The following SSBP3 variants were observed in gnomAD, a reference collection of about 807,000 sequenced individuals.
SSBP3 encodes single-stranded DNA-binding protein 3.
A neutral mutation model predicts 69.6 loss-of-function variants in SSBP3; 5 were observed. The observed-to-expected ratio is 0.07, with a 90% CI of 0.04 to 0.15. The LOEUF (loss-of-function observed/expected upper bound fraction) is 0.15. Ranked by LOEUF, SSBP3 falls within the 10% of genes least tolerant of loss-of-function variation. The pLI, the probability that SSBP3 is intolerant of heterozygous loss-of-function variation, is 1.00. For missense variants in SSBP3, 312 were observed against 534.0 expected, an observed-to-expected ratio of 0.58 and a Z score of 4.10; for synonymous variants, 196 against 193.4, an observed-to-expected ratio of 1.01 and a Z score of -0.11.
chr1:54,353,616 C>T lies in SSBP3; in HGVS notation c.276+48245G>A, dbSNP rs542676656. Among the ~76,000 whole-genome samples, 15 of 152,318 alleles carry T rather than the reference C, an allele frequency of 9.8e-5. No homozygotes were observed. In the South Asian group the frequency reaches 3.1e-3, roughly 32 times the overall value. On this transcript the variant is annotated intron_variant, in intron 4 of 17. Coordinates refer to ENST00000610401, the Ensembl canonical transcript of SSBP3. ...TTGTCAGATCCCAATTCTGGCCACC[C>T]TCTCACATGCTCCATGGAAGTCAGA... is the stretch of plus-strand genomic sequence containing the variant.
intron 5 of SSBP3, among the ~76,000 whole-genome samples, chr1:54,270,633 C>T (rs1645176497): frequency 6.6e-6 from 1 of 152,150 alleles, no homozygotes; most frequent in Admixed American, 6.5e-5. Flanking sequence ...GAGGAGAAAC[C>T]CTGAGGCAGC....
At chr1:54,336,300 C>T (rs1360064927) in intron 4 of SSBP3, among the ~76,000 whole-genome samples, 1 of 152,192 alleles carries the variant, frequency 6.6e-6, no homozygotes, top group Non-Finnish European at 1.5e-5. Context: ...ACTAACATGG[C>T]CCCCCACGTT....
chr1:54,266,167 C>G (rs1645100600), intron 5 of SSBP3, among the ~76,000 whole-genome samples: 1 of 152,196 alleles, frequency 6.6e-6, no homozygotes, highest in South Asian at 2.1e-4. Flanking sequence ...GAAGACTGAG[C>G]CTCAGAGATG....
intron 5 of SSBP3, among the ~76,000 whole-genome samples, chr1:54,277,082 G>A (rs1171927581): frequency 2.6e-5 from 4 of 152,042 alleles, no homozygotes; most frequent in African/African-American, 4.8e-5. Context: ...TATCAGAGAC[G>A]GTCAATGACA....
intron 4 of SSBP3, among the ~76,000 whole-genome samples, chr1:54,360,098 C>CAA (rs1024118841): frequency 6.6e-6 from 1 of 152,158 alleles, no homozygotes; most frequent in Non-Finnish European, 1.5e-5. Context: ...ATAAGCCAAC[C>CAA]AAGTATCTTT....
chr1:54,290,244 C>A (rs1326861522), intron 4 of SSBP3, among the ~76,000 whole-genome samples: 1 of 152,188 alleles, frequency 6.6e-6, no homozygotes, highest in Non-Finnish European at 1.5e-5. Flanking sequence ...ACCTTCTGCA[C>A]CCCTCATCAT....
At chr1:54,286,246 A>G (rs554271283) in intron 4 of SSBP3, 13 of 152,170 alleles carry the variant, frequency 8.5e-5, no homozygotes, top group Non-Finnish European at 1.9e-4. Context: ...AAGAAAGCCA[A>G]CTCAAACCAC....
intron 1 of SSBP3, among the ~76,000 whole-genome samples, chr1:54,411,633 C>CTG (rs1649993775): frequency 6.6e-6 from 1 of 151,986 alleles, no homozygotes; most frequent in Admixed American, 6.6e-5. Flanking sequence ...TGGTTCACGC[C>CTG]TGTAATCCCG....
chr1:54,398,309 G>T (rs551330831), intron 4 of SSBP3, among the ~76,000 whole-genome samples: 34 of 152,348 alleles, frequency 2.2e-4, no homozygotes, highest in Admixed American at 2.2e-3. Flanking sequence ...TATGTGTAGT[G>T]TAAGAATCCA....
At chr1:54,248,111 C>T (rs552878470) in intron 9 of SSBP3, among the ~76,000 whole-genome samples, 3 of 152,330 alleles carry the variant, frequency 2.0e-5, no homozygotes, top group Non-Finnish European at 2.9e-5. Context: ...CACGCTGTAC[C>T]TATTCTTTGT....
At chr1:54,412,689 A>G (rs1431819943) in intron 1 of SSBP3, 1 of 152,196 alleles carries the variant, frequency 6.6e-6, no homozygotes, top group Non-Finnish European at 1.5e-5. Flanking sequence ...AAGAGTTACA[A>G]TGGTAAATTT....
At chr1:54,378,493 G>C (rs1047039461) in intron 4 of SSBP3, among the ~76,000 whole-genome samples, 1 of 152,202 alleles carries the variant, frequency 6.6e-6, no homozygotes, top group African/African-American at 2.4e-5. Flanking sequence ...GTAAGGCCAG[G>C]TCTCCTGGCC....
At chr1:54,335,392 A>T (rs533342110) in intron 4 of SSBP3, among the ~76,000 whole-genome samples, 2 of 152,206 alleles carry the variant, frequency 1.3e-5, no homozygotes, top group African/African-American at 4.8e-5. Context: ...GCACTTGTGC[A>T]TAAGTGTGCA....
chr1:54,351,621 C>T (rs1358844309), intron 4 of SSBP3, among the ~76,000 whole-genome samples: 1 of 152,216 alleles, frequency 6.6e-6, no homozygotes, highest in Admixed American at 6.5e-5. Flanking sequence ...ACTTTAACAA[C>T]AATCTTCCTT....
intron 4 of SSBP3, among the ~76,000 whole-genome samples, chr1:54,342,294 TTTTA>T (rs555617063): frequency 1.0e-3 from 157 of 152,356 alleles, no homozygotes; most frequent in Non-Finnish European, 1.6e-3. Context: ...CACTTCTTAT[TTTTA>T]TTTGTTTTTA....
At chr1:54,231,309 C>CA (rs1644375610) in intron 14 of SSBP3, among the ~76,000 whole-genome samples, 1 of 152,240 alleles carries the variant, frequency 6.6e-6, no homozygotes. Context: ...AGCATCTTCT[C>CA]ATGTGCTTAC....
At chr1:54,239,619 C>T (rs1472117011) in intron 13 of SSBP3, among the ~76,000 whole-genome samples, 1 of 152,202 alleles carries the variant, frequency 6.6e-6, no homozygotes, top group Admixed American at 6.5e-5. Flanking sequence ...CAGAGGCCAC[C>T]CTGCCAGGCT....
intron 4 of SSBP3, among the ~76,000 whole-genome samples, chr1:54,382,729 T>C (rs1248343633): frequency 6.6e-6 from 1 of 152,132 alleles, no homozygotes; most frequent in Non-Finnish European, 1.5e-5. Context: ...CTCATGCCTA[T>C]AATCCCAGCA....
chr1:54,265,662 G>A (rs1434786667), intron 5 of SSBP3, among the ~76,000 whole-genome samples: 3 of 152,184 alleles, frequency 2.0e-5, no homozygotes, highest in Non-Finnish European at 4.4e-5. Flanking sequence ...GGGACGGTGG[G>A]GAAGTTACCA....
Sources: gnomAD v4.1 joint callset for allele counts (sites outside exome capture counted in the v4.1 genomes callset) on GRCh38, gnomAD v4.1.1 for gene constraint, MANE v1.5 for transcripts, NCBI Gene and HGNC (gene_info 2026-07-23, HGNC 2026-07-21) for gene names.